Variants in SKAP2 observed in about 807,000 individuals in gnomAD.
The protein encoded by SKAP2 is src kinase associated phosphoprotein 2.
SKAP2 carries 28 observed loss-of-function variants against 54.9 expected under a neutral mutation model. That is an observed-to-expected ratio of 0.51 (90% CI 0.38 to 0.70). The LOEUF is 0.70. SKAP2 is among the 30% of genes least tolerant of loss of function. The pLI, the probability that SKAP2 is intolerant of heterozygous loss-of-function variation, is 0.00. For synonymous variants in SKAP2, 137 were observed against 134.3 expected (o/e 1.02, Z -0.14); for missense variants, 356 against 424.1 (o/e 0.84, Z 1.41).
At chr7:26,769,116 T>G (rs1342059179) in intron 4 of SKAP2, among the ~76,000 whole-genome samples, 1 of 152,234 alleles carries the variant, frequency 6.6e-6, no homozygotes, top group African/African-American at 2.4e-5. Context: ...GTTTGGTGTA[T>G]TCACACAGTC....
At chr7:26,719,788 T>C (rs1584350336) in intron 9 of SKAP2, among the ~76,000 whole-genome samples, 1 of 152,306 alleles carries the variant, frequency 6.6e-6, no homozygotes, top group Admixed American at 6.5e-5. Context: ...TTCTATGTAA[T>C]CCTAGTTTCA....
intron 4 of SKAP2, among the ~76,000 whole-genome samples, chr7:26,803,481 G>A (rs1783956956): frequency 6.6e-6 from 1 of 152,156 alleles, no homozygotes; most frequent in African/African-American, 2.4e-5. Flanking sequence ...ATGCTGACGA[G>A]CATGTGAATG....
Position 26,841,422 on chromosome 7 carries a change from T to C in SKAP2, c.307+2608A>G, listed in dbSNP as rs553710224. Among the ~76,000 whole-genome samples, 4 of 152,186 alleles carry C rather than the reference T, an allele frequency of 2.6e-5. No homozygotes were observed. In the South Asian group the frequency reaches 6.2e-4, roughly 24 times the overall value. ...TTTCTTTTTGTTGTTTTCATCCCCA[T>C]TCAATTTCTATACGGTGCCTGGACC... On this transcript the variant is annotated intron_variant, in intron 4 of 12. Transcript: ENST00000345317.
At chr7:26,713,597 T>C (rs1053740854) in intron 9 of SKAP2, among the ~76,000 whole-genome samples, 8 of 149,324 alleles carry the variant, frequency 5.4e-5, no homozygotes, top group Non-Finnish European at 1.2e-4. Context: ...ATTTGTTCTT[T>C]TTTGTTTTTT....
chr7:26,698,460 A>G (rs1316199056), intron 9 of SKAP2, among the ~76,000 whole-genome samples: 5 of 152,244 alleles, frequency 3.3e-5, no homozygotes, highest in African/African-American at 1.2e-4. Context: ...ACCTTAGCAT[A>G]AATCAACTTA....
chr7:26,676,535 A>G lies in SKAP2; in HGVS notation c.988-6343T>C, dbSNP rs551636049. Among the ~76,000 whole-genome samples the G allele has an allele frequency of 2.6e-5, 4 of 152,234 alleles. No individual in the cohort carries two copies. The South Asian group carries it at 8.3e-4, about 32-fold the overall frequency. On this transcript the variant is annotated intron_variant, in intron 11 of 12. Transcript: ENST00000345317. ...ATGTTGAGCCTCGATTTCTTTACCT[A>G]TAAAGTGAAGGGCTAGCACTAAGGT...
intron 9 of SKAP2, among the ~76,000 whole-genome samples, chr7:26,712,179 C>T (rs1787325671): frequency 6.6e-6 from 1 of 152,096 alleles, no homozygotes; most frequent in Non-Finnish European, 1.5e-5. Context: ...GGAACACTTG[C>T]ATTATACTGG....
intron 9 of SKAP2, among the ~76,000 whole-genome samples, chr7:26,700,994 G>A (rs1010079962): frequency 2.0e-5 from 3 of 152,144 alleles, no homozygotes; most frequent in Admixed American, 6.5e-5. Flanking sequence ...CTGGGAAGCA[G>A]CTGGCCTCTC....
intron 4 of SKAP2, among the ~76,000 whole-genome samples, chr7:26,813,321 G>A (rs1454482475): frequency 6.6e-6 from 1 of 152,008 alleles, no homozygotes; most frequent in Non-Finnish European, 1.5e-5. Context: ...GCATATTGGG[G>A]TTTCCATACT....
At chr7:26,809,152 G>A (rs1309178921) in intron 4 of SKAP2, among the ~76,000 whole-genome samples, 1 of 152,146 alleles carries the variant, frequency 6.6e-6, no homozygotes, top group Non-Finnish European at 1.5e-5. Context: ...GGTGGCTCAC[G>A]CCTGTAATCC....
intron 4 of SKAP2, chr7:26,746,652 T>C: frequency 6.8e-6 from 1 of 147,724 alleles, no homozygotes; most frequent in Non-Finnish European, 1.5e-5. Context: ...AACATGTCAC[T>C]GAGCCTCTCT....
chr7:26,711,243 C>G (rs1413127457), intron 9 of SKAP2, among the ~76,000 whole-genome samples: 3 of 152,010 alleles, frequency 2.0e-5, no homozygotes, highest in Non-Finnish European at 2.9e-5. Context: ...GTAATACATA[C>G]CAGGCTTTGG....
intron 4 of SKAP2, among the ~76,000 whole-genome samples, chr7:26,818,421 T>A (rs909254940): frequency 6.6e-6 from 1 of 152,128 alleles, no homozygotes; most frequent in African/African-American, 2.4e-5. Flanking sequence ...TCCTTACACC[T>A]TATACAAAAA....
intron 4 of SKAP2, among the ~76,000 whole-genome samples, chr7:26,828,107 A>G (rs1364652343): frequency 2.0e-5 from 3 of 152,232 alleles, no homozygotes; most frequent in African/African-American, 2.4e-5. Flanking sequence ...TCCCACCGCT[A>G]TAACTATGTA....
intron 4 of SKAP2, among the ~76,000 whole-genome samples, chr7:26,754,535 A>C (rs926971817): frequency 1.1e-4 from 17 of 152,240 alleles, no homozygotes; most frequent in African/African-American, 4.1e-4. Flanking sequence ...GACATAGCCC[A>C]ATCGTACATG....
intron 4 of SKAP2, among the ~76,000 whole-genome samples, chr7:26,788,544 T>C (rs181753497): frequency 3.3e-5 from 5 of 152,296 alleles, no homozygotes; most frequent in East Asian, 3.9e-4. Flanking sequence ...AGAATTTAAA[T>C]TGGCTCTGTT....
intron 9 of SKAP2, among the ~76,000 whole-genome samples, chr7:26,692,854 G>A (rs375194486): frequency 1.3e-5 from 2 of 152,036 alleles, no homozygotes; most frequent in East Asian, 1.9e-4. Flanking sequence ...AGATAATTTG[G>A]TAAAAGGTGA....
intron 4 of SKAP2, among the ~76,000 whole-genome samples, chr7:26,837,982 G>A (rs925577022): frequency 6.6e-6 from 1 of 152,082 alleles, no homozygotes; most frequent in African/African-American, 2.4e-5. Flanking sequence ...ATATGCCATT[G>A]GGCATATCAC....
intron 11 of SKAP2, among the ~76,000 whole-genome samples, chr7:26,671,794 T>C (rs1320289920): frequency 6.6e-6 from 1 of 152,076 alleles, no homozygotes; most frequent in Non-Finnish European, 1.5e-5. Context: ...CTATAATCTA[T>C]GTAGGACATA....
Sources: allele counts gnomAD v4.1 joint callset (sites outside exome capture counted in the v4.1 genomes callset), GRCh38; gene constraint gnomAD v4.1.1; transcripts MANE v1.5; gene names NCBI Gene and HGNC (gene_info 2026-07-23, HGNC 2026-07-21).